The following UTRN variants were observed in gnomAD, a reference collection of about 807,000 sequenced individuals.
UTRN encodes the protein dystrophin-related protein 1.
In UTRN, 283 loss-of-function variants were observed where a neutral mutation model predicts 463.9. The observed-to-expected ratio is 0.61, with a 90% CI of 0.55 to 0.67. The LOEUF is 0.67. Among genes scored for constraint, UTRN ranks in the 30% least tolerant of loss-of-function variants. The pLI is 0.00. For synonymous variants in UTRN, 1,442 were observed against 1,431.5 expected (o/e 1.01, Z -0.17); for missense variants, 3,922 against 4,084.3 (o/e 0.96, Z 1.08).
intron 58 of UTRN, among the ~76,000 whole-genome samples, chr6:144,761,232 A>G (rs1256272093): frequency 6.6e-6 from 1 of 152,200 alleles, no homozygotes; most frequent in African/African-American, 2.4e-5. Context: ...ATTTGTTAAT[A>G]TCTTAAGTTA....
intron 51 of UTRN, among the ~76,000 whole-genome samples, chr6:144,630,852 A>G (rs1776431879): frequency 6.6e-6 from 1 of 151,998 alleles, no homozygotes; most frequent in Admixed American, 6.6e-5. Context: ...CTTGTCCCTC[A>G]TTCAGCCCTG....
At chr6:144,673,094 A>G (rs1261383328) in intron 51 of UTRN, among the ~76,000 whole-genome samples, 1 of 152,196 alleles carries the variant, frequency 6.6e-6, no homozygotes, top group Non-Finnish European at 1.5e-5. Context: ...ATGGCCTATC[A>G]TATGGTCTAT....
chr6:144,404,903 A>G (rs969376280), intron 3 of UTRN, among the ~76,000 whole-genome samples: 1 of 152,234 alleles, frequency 6.6e-6, no homozygotes, highest in African/African-American at 2.4e-5. Context: ...AGTTTATTAA[A>G]TGAACTTGAT....
chr6:144,753,774 G>C (rs2128724444), intron 56 of UTRN, among the ~76,000 whole-genome samples: 1 of 151,772 alleles, frequency 6.6e-6, no homozygotes, highest in East Asian at 1.9e-4. Context: ...GGCTAAGGTG[G>C]GAGGATTGCA....
chr6:144,678,182 A>C (rs960479854), intron 51 of UTRN, among the ~76,000 whole-genome samples: 1 of 152,172 alleles, frequency 6.6e-6, no homozygotes, highest in Non-Finnish European at 1.5e-5. Context: ...TGGAACCAAA[A>C]AAGAGCCTGT....
rs78591781 is a variant in UTRN at position 144,480,951 on chromosome 6, C to T, written c.3507+969C>T. ...CACTAAAACATCTTTTTTAGTGTAG[C>T]TCTTTTTGAAAGATTTAAAAATACT... is the stretch of plus-strand genomic sequence containing the variant. On this transcript the variant is annotated intron_variant, in intron 26 of 74. Coordinates refer to ENST00000367545, the MANE Select transcript of UTRN (RefSeq NM_007124.3). Among the ~76,000 whole-genome samples, 63 of 152,096 alleles carry T rather than the reference C, an allele frequency of 4.1e-4. 1 individual carries two copies. The East Asian group carries it at 0.011, about 26-fold the overall frequency.
At chr6:144,640,952 T>C (rs1319978562) in intron 51 of UTRN, among the ~76,000 whole-genome samples, 2 of 152,204 alleles carry the variant, frequency 1.3e-5, no homozygotes, top group African/African-American at 4.8e-5. Context: ...AAGATTTTTT[T>C]CCTTTGAAAT....
intron 39 of UTRN, among the ~76,000 whole-genome samples, chr6:144,519,110 GT>G (rs1398054105): frequency 6.6e-6 from 1 of 152,030 alleles, no homozygotes; most frequent in East Asian, 1.9e-4. Context: ...TTTCCAATTT[GT>G]TTACTAGAGT....
At chr6:144,792,670 G>A (rs983981001) in intron 62 of UTRN, among the ~76,000 whole-genome samples, 2 of 152,200 alleles carry the variant, frequency 1.3e-5, no homozygotes, top group African/African-American at 4.8e-5. Flanking sequence ...AATGTCACAT[G>A]AAGAGCATTT....
At chr6:144,426,813 G>A (rs1785334654) in intron 7 of UTRN, among the ~76,000 whole-genome samples, 1 of 152,154 alleles carries the variant, frequency 6.6e-6, no homozygotes, top group Admixed American at 6.5e-5. Flanking sequence ...GTAAAACTCT[G>A]TAAATTCAAT....
In UTRN at chr6:144,473,705, A is replaced by G. The variant is rs755868352; in HGVS notation, c.3067-15A>G. 10 of 1,608,362 alleles carry G rather than the reference A, an allele frequency of 6.2e-6. 1 individual carries two copies. In the South Asian group the frequency reaches 1.1e-4, roughly 18 times the overall value. On this transcript the variant is annotated splice_polypyrimidine_tract_variant and intron_variant, in intron 23 of 74. Transcript: ENST00000367545. Reference sequence around the variant, plus strand: ...TCACGAAGTAATATCCCCCTCTGTTATCATGTTCGATTAGGCCGATTCAAC... The same window carrying G: ...TCACGAAGTAATATCCCCCTCTGTTGTCATGTTCGATTAGGCCGATTCAAC...
Position 144,746,203 on chromosome 6 carries a change from A to T in UTRN, c.7940-2043A>T, listed in dbSNP as rs191646106. On this transcript the variant is annotated intron_variant, in intron 54 of 74. Coordinates refer to ENST00000367545, the MANE Select transcript of UTRN (RefSeq NM_007124.3). ...TTTTTAATAGAGACGGGGTTTCATCATGTTGGCCAGGCTGGTCTCAAACTC... is the reference window on the plus strand; with the variant it reads ...TTTTTAATAGAGACGGGGTTTCATCTTGTTGGCCAGGCTGGTCTCAAACTC... Among the ~76,000 whole-genome samples, 156 of 152,136 alleles carry T rather than the reference A, an allele frequency of 1.0e-3. 1 individual carries two copies. The East Asian group carries it at 0.025, about 24-fold the overall frequency.
At chr6:144,563,360 G>T (rs765851106) in intron 50 of UTRN, among the ~76,000 whole-genome samples, 1 of 152,022 alleles carries the variant, frequency 6.6e-6, no homozygotes, top group Non-Finnish European at 1.5e-5. Context: ...TAAAAATGAA[G>T]CTTTTTTCAG....
At chr6:144,682,722 C>T (rs1417942652) in intron 52 of UTRN, among the ~76,000 whole-genome samples, 1 of 152,038 alleles carries the variant, frequency 6.6e-6, no homozygotes, top group Non-Finnish European at 1.5e-5. Context: ...ATGATCTCTT[C>T]TTTATTTTTA....
At chr6:144,657,063 G>A (rs1349446157) in intron 51 of UTRN, among the ~76,000 whole-genome samples, 2 of 151,928 alleles carry the variant, frequency 1.3e-5, no homozygotes, top group Admixed American at 1.3e-4. Flanking sequence ...CCAGCCTGAC[G>A]AACATGGAGA....
At chr6:144,447,484 T>C (rs1787813324) in intron 15 of UTRN, 118 bp from the exon 16 acceptor site, 3 of 1,340,104 alleles carry the variant, frequency 2.2e-6, no homozygotes, top group African/African-American at 1.5e-5. Flanking sequence ...TTTAGCATAG[T>C]GAACTGCAAA....
chr6:144,774,431 AGATAAATGAAGAG>A, intron 60 of UTRN, 67 bp downstream of exon 60: 2 of 1,371,078 alleles, frequency 1.5e-6, no homozygotes, highest in Non-Finnish European at 2.0e-6. Context: ...TCCAAGAGGA[AGATAAATGAAGAG>A]GATGGAGTGT....
intron 51 of UTRN, among the ~76,000 whole-genome samples, chr6:144,589,565 TG>T (rs1428738639): frequency 5.3e-5 from 8 of 152,142 alleles, no homozygotes; most frequent in African/African-American, 1.9e-4. Context: ...GGAATTATAT[TG>T]GGATAAAATG....
intron 51 of UTRN, among the ~76,000 whole-genome samples, chr6:144,667,685 A>G (rs1780566549): frequency 6.6e-6 from 1 of 152,200 alleles, no homozygotes; most frequent in Non-Finnish European, 1.5e-5. Context: ...CAAAAATAGA[A>G]CAGTTGTATC....
Sources: gnomAD v4.1 joint callset for allele counts (sites outside exome capture counted in the v4.1 genomes callset) on GRCh38, gnomAD v4.1.1 for gene constraint, MANE v1.5 for transcripts, NCBI Gene and HGNC (gene_info 2026-07-23, HGNC 2026-07-21) for gene names.